Variants in USO1 observed in about 807,000 individuals in gnomAD.
The protein encoded by USO1 is general vesicular transport factor p115.
USO1 carries 57 observed loss-of-function variants against 124.5 expected under a neutral mutation model. The ratio of observed to expected loss-of-function variants is 0.46; its 90% CI spans 0.37 to 0.57. The LOEUF (loss-of-function observed/expected upper bound fraction) is 0.57. USO1 is among the 20% of genes least tolerant of loss of function. The pLI is 0.00. For synonymous variants in USO1, 369 were observed against 362.8 expected (o/e 1.02, Z -0.19); for missense variants, 900 against 1,040.6 (o/e 0.86, Z 1.86).
intron 1 of USO1, among the ~76,000 whole-genome samples, chr4:75,727,469 C>T (rs1312195526): frequency 6.6e-6 from 1 of 152,108 alleles, no homozygotes; most frequent in African/African-American, 2.4e-5. Flanking sequence ...AATTTGCCTT[C>T]TGAAAATTAT....
At chr4:75,788,176 T>TTA (rs1722420066) in intron 10 of USO1, among the ~76,000 whole-genome samples, 3 of 130,272 alleles carry the variant, frequency 2.3e-5, no homozygotes, top group Non-Finnish European at 1.8e-5. Flanking sequence ...TATTTATTTT[T>TTA]TTTTTTTTTT....
intron 1 of USO1, among the ~76,000 whole-genome samples, chr4:75,728,953 C>T (rs1720547320): frequency 6.6e-6 from 1 of 151,968 alleles, no homozygotes; most frequent in South Asian, 2.1e-4. Flanking sequence ...TGTCTGCCAC[C>T]ACACCGGCTA....
chr4:75,795,811 T>G (rs1258082709), intron 13 of USO1, among the ~76,000 whole-genome samples: 1 of 152,204 alleles, frequency 6.6e-6, no homozygotes, highest in Non-Finnish European at 1.5e-5. Flanking sequence ...AATTTTATAA[T>G]TTGAAATATT....
intron 1 of USO1, among the ~76,000 whole-genome samples, chr4:75,735,279 A>G (rs553536207): frequency 6.6e-6 from 1 of 152,116 alleles, no homozygotes; most frequent in Non-Finnish European, 1.5e-5. Flanking sequence ...ATTTTTGTAC[A>G]TTGATTTTGT....
chr4:75,770,217 A>G (rs933745759), intron 4 of USO1: 2 of 307,410 alleles, frequency 6.5e-6, no homozygotes, highest in Non-Finnish European at 1.2e-5. Flanking sequence ...TTTTTTAGAT[A>G]TCATATTTAA....
intron 4 of USO1, among the ~76,000 whole-genome samples, chr4:75,763,343 A>G (rs1038509784): frequency 6.6e-6 from 1 of 152,230 alleles, no homozygotes; most frequent in African/African-American, 2.4e-5. Flanking sequence ...GAATACCCAT[A>G]CAACCATTCT....
chr4:75,804,245 C>G lies in USO1; in HGVS notation c.2098C>G (p.Gln700Glu). The change falls in exon 18 of 24, where the codon CAG becomes GAG. Residue 700 changes from glutamine (Q) to glutamate (E), a missense_variant. Gln to Glu is a conservative substitution (Grantham distance 29). This residue lies in a region of USO1 where 362 missense variants were observed against 359.0 expected (regional missense o/e 1.01). Coordinates refer to ENST00000514213, the MANE Select transcript of USO1 (RefSeq NM_003715.4). ...ATCACAGATCCAGCAGCACAAAGAC[C>G]AGTATAATCTTCTTAAAATACAGCT... ...QVSQIQQHKD[Q>E]YNLLKIQLGK... The G allele has an allele frequency of 1.2e-6, 2 of 1,612,572 alleles. No homozygotes were observed. The highest frequency in any genetic ancestry group is 1.7e-6 in the Non-Finnish European group (2 of 1,179,258).
At chr4:75,732,281 T>C (rs1314947290) in intron 1 of USO1, among the ~76,000 whole-genome samples, 4 of 152,190 alleles carry the variant, frequency 2.6e-5, no homozygotes, top group African/African-American at 7.2e-5. Flanking sequence ...GTTCCTATAT[T>C]AATTCGCTTA....
At position 75,724,866 on chromosome 4, in the gene USO1, A is replaced by G. The variant is rs748734913; in HGVS notation, c.47A>G (p.Gln16Arg). ...ATGGGGGGTCAGAGTGCCGGACCCCAGCACACAGAAGCCGAGACGGTGAGA... is the reference window on the plus strand; with the variant it reads ...ATGGGGGGTCAGAGTGCCGGACCCCGGCACACAGAAGCCGAGACGGTGAGA... ...GVMGGQSAGP[Q>R]HTEAETIQKL... Residue 16 changes from glutamine to arginine, a missense_variant, in exon 1 of 24, where the codon CAG becomes CGG. Around this residue, in one of 2 missense-constraint regions of USO1, gnomAD observed 538 missense variants for 681.6 expected, o/e 0.79. Coordinates refer to ENST00000514213, the MANE Select transcript of USO1 (RefSeq NM_003715.4). 7.4e-6 allele frequency: 12 copies of G among 1,613,620 alleles called. No homozygotes were observed. The South Asian group carries it at 7.7e-5, about 10-fold the overall frequency.
At position 75,804,134 on chromosome 4, in the gene USO1, G is replaced by A. The variant is rs758582726; in HGVS notation, c.1987G>A (p.Asp663Asn). The A allele has an allele frequency of 2.5e-6, 4 of 1,612,138 alleles. No homozygotes were observed. The highest frequency in any genetic ancestry group is 1.1e-5 in the South Asian group (1 of 90,690). Residue 663 changes from aspartate (D) to asparagine (N), a missense_variant and splice_region_variant, in exon 18 of 24, where the codon GAT becomes AAT. Physicochemically the swap from Asp to Asn is conservative, Grantham distance 23. Around this residue, in one of 2 missense-constraint regions of USO1, gnomAD observed 362 missense variants for 359.0 expected, o/e 1.01. Coordinates refer to ENST00000514213, the MANE Select transcript of USO1 (RefSeq NM_003715.4). ...THYKNMIREQ[D>N]LQLEELRQQV... ...ACATGAATTATGTTTTGTTTCACAG[G>A]ATCTCCAACTTGAGGAATTAAGGCA...
chr4:75,813,188 TAC>T lies in USO1; in HGVS notation c.2800-17_2800-16del. ...ATGAACAGATTTTCACAATATTAAA[TAC>T]GTCTTTTTCCTCTAGGTTGAAGAAG... On this transcript the variant is annotated splice_polypyrimidine_tract_variant and intron_variant, in intron 23 of 23. Transcript: ENST00000514213. The T allele has an allele frequency of 6.3e-7, 1 of 1,595,720 alleles. No individual in the cohort carries two copies. The highest frequency in any genetic ancestry group is 1.4e-5 in the African/African-American group (1 of 73,656).
chr4:75,727,046 TA>T (rs1312264706), intron 1 of USO1, among the ~76,000 whole-genome samples: 1 of 152,206 alleles, frequency 6.6e-6, no homozygotes, highest in African/African-American at 2.4e-5. Context: ...TAATGAGAGG[TA>T]ATTTTTACTA....
intron 1 of USO1, among the ~76,000 whole-genome samples, chr4:75,734,077 C>T (rs1345568892): frequency 6.6e-6 from 1 of 151,382 alleles, no homozygotes; most frequent in Non-Finnish European, 1.5e-5. Context: ...TCCCAAGTAG[C>T]TGGGACTACA....
intron 1 of USO1, among the ~76,000 whole-genome samples, chr4:75,747,338 G>A (rs1196705703): frequency 6.6e-6 from 1 of 152,066 alleles, no homozygotes; most frequent in African/African-American, 2.4e-5. Flanking sequence ...GTACAGTGAC[G>A]CATCCACAGC....
At chr4:75,793,078 T>C (rs1577965841) in intron 12 of USO1, among the ~76,000 whole-genome samples, 1 of 152,138 alleles carries the variant, frequency 6.6e-6, no homozygotes, top group East Asian at 1.9e-4. Flanking sequence ...AATGACTAGA[T>C]CTCATTGTTT....
intron 21 of USO1, among the ~76,000 whole-genome samples, chr4:75,809,726 C>A (rs1723091491): frequency 6.6e-6 from 1 of 152,200 alleles, no homozygotes; most frequent in African/African-American, 2.4e-5. Flanking sequence ...TGCCAGCATT[C>A]TTCTTCTCAC....
intron 12 of USO1, among the ~76,000 whole-genome samples, chr4:75,791,956 A>G (rs1052928641): frequency 2.6e-5 from 4 of 151,790 alleles, no homozygotes; most frequent in Non-Finnish European, 5.9e-5. Flanking sequence ...TGTTACCATC[A>G]TCAGTTTAAT....
chr4:75,744,100 T>G (rs1577931006), intron 1 of USO1, among the ~76,000 whole-genome samples: 1 of 152,034 alleles, frequency 6.6e-6, no homozygotes, highest in African/African-American at 2.4e-5. Flanking sequence ...TTTTATTAGA[T>G]CCAACAGCCA....
intron 1 of USO1, among the ~76,000 whole-genome samples, chr4:75,751,518 C>T (rs1437802318): frequency 3.5e-5 from 5 of 144,298 alleles, no homozygotes; most frequent in South Asian, 2.3e-4. Flanking sequence ...GGCCAAGATT[C>T]GTTTTAAAAT....
Sources: gnomAD v4.1 joint callset for allele counts (sites outside exome capture counted in the v4.1 genomes callset) on GRCh38, gnomAD v4.1.1 for gene constraint, gnomAD v4.1.1 regional missense constraint, MANE v1.5 for transcripts, NCBI Gene and HGNC (gene_info 2026-07-23, HGNC 2026-07-21) for gene names.